The following SNX31 variants were observed in gnomAD, a reference collection of about 807,000 sequenced individuals.
The protein encoded by SNX31 is sorting nexin 31.
In SNX31, 58 loss-of-function variants were observed where a neutral mutation model predicts 65.4. That is an observed-to-expected ratio of 0.89 (90% CI 0.72 to 1.10). The LOEUF is 1.10. Among genes scored for constraint, SNX31 ranks in the 50% least tolerant of loss-of-function variants. The pLI, the probability that SNX31 is intolerant of heterozygous loss-of-function variation, is 0.00. For synonymous variants in SNX31, 181 were observed against 190.1 expected (o/e 0.95, Z 0.39); for missense variants, 523 against 529.7 (o/e 0.99, Z 0.12).
At chr8:100,631,073 C>T (rs1818380442) in intron 3 of SNX31, among the ~76,000 whole-genome samples, 1 of 152,118 alleles carries the variant, frequency 6.6e-6, no homozygotes. Flanking sequence ...CAGGTGTGAG[C>T]CACAGCACCC....
At position 100,612,037 on chromosome 8, in the gene SNX31, A is replaced by G. The variant is rs370378872; in HGVS notation, c.574T>C (p.Ser192Pro). 3.1e-6 allele frequency: 5 copies of G among 1,614,066 alleles called. No individual in the cohort carries two copies. In the African/African-American group the frequency reaches 5.3e-5, roughly 17 times the overall value. Residue 192 changes from serine (S) to proline (P), a missense_variant, in exon 7 of 14, where the codon TCT becomes CCT. By Grantham distance (74) the Ser-to-Pro change is moderately conservative (BLOSUM62 -1). Transcript: ENST00000311812. The surrounding 1 kb of genome is among the most constrained non-coding windows in gnomAD (Gnocchi z 4.3). ...FELPYVSLGS[S>P]EVENCKVGLR... ...CCAACCTTACAGTTTTCCACCTCAG[A>G]ACTTCCAAGACTAACATAAGGGAGT...
rs1258290700 is a variant in SNX31 at position 100,576,577 on chromosome 8, G to A, written c.1227+442C>T. ...CTGGCAATAATGAGTGCTCAAAAAT[G>A]TCATTGATTGTGATTTTTTCTATTA... On this transcript the variant is annotated intron_variant, in intron 13 of 13. Transcript: ENST00000311812. This position sits in a 1 kb window ranked among gnomAD's most constrained non-coding sequence, Gnocchi z 4.8. 1.3e-5 allele frequency among the ~76,000 whole-genome samples: 2 copies of A among 152,140 alleles called. No homozygotes were observed. Among genetic ancestry groups the A allele is most frequent in the Non-Finnish European group, 2.9e-5 (2 of 68,020 alleles).
At chr8:100,602,071 C>T (rs763412954) in intron 8 of SNX31, among the ~76,000 whole-genome samples, 32 of 152,336 alleles carry the variant, frequency 2.1e-4, no homozygotes, top group Non-Finnish European at 3.4e-4. Flanking sequence ...CATTGTCCCT[C>T]AGTTAGGCTG....
rs1040303941 is a variant in SNX31, at chr8:100,604,450, G to C, written c.682-4009C>G. 1.3e-5 allele frequency among the ~76,000 whole-genome samples: 2 copies of C among 152,204 alleles called. No homozygotes were observed. Among genetic ancestry groups the C allele is most frequent in the African/African-American group, 4.8e-5 (2 of 41,454 alleles). On this transcript the variant is annotated intron_variant, in intron 8 of 13. Coordinates refer to ENST00000311812, the MANE Select transcript of SNX31 (RefSeq NM_152628.4). The surrounding 1 kb of genome is among the most constrained non-coding windows in gnomAD (Gnocchi z 4.3). ...GCTCTGGCGAAAGCATGGTGGAGAA[G>C]GGCAAGGGACGTGTGTGCCTGGACA...
intron 3 of SNX31, among the ~76,000 whole-genome samples, chr8:100,634,329 C>G (rs1818602417): frequency 6.6e-6 from 1 of 152,194 alleles, no homozygotes; most frequent in South Asian, 2.1e-4. Flanking sequence ...TAATAAAGAC[C>G]TCTGACATCT....
At position 100,596,742 on chromosome 8, in the gene SNX31, A is replaced by G. The variant is rs989200148; in HGVS notation, c.875T>C (p.Val292Ala). 20 of 1,614,150 alleles carry G rather than the reference A, an allele frequency of 1.2e-5. No homozygotes were observed. Among genetic ancestry groups the G allele is most frequent in the Non-Finnish European group, 1.7e-5 (20 of 1,180,030 alleles). ...GCAGCAGCTGATCTCATTATTGCCA[A>G]CAGAAAGAACAGCTCCAGAGCCTGA... Reference protein sequence around the residue: ...PESGSGAVLSVGNNEISCCIT... With the variant: ...PESGSGAVLSAGNNEISCCIT... Residue 292 changes from valine (V) to alanine (A), a missense_variant, in exon 10 of 14, where the codon GTT becomes GCT. Coordinates refer to ENST00000311812, the MANE Select transcript of SNX31 (RefSeq NM_152628.4).
At chr8:100,640,078 C>T (rs967704046) in intron 2 of SNX31, among the ~76,000 whole-genome samples, 4 of 152,182 alleles carry the variant, frequency 2.6e-5, no homozygotes, top group East Asian at 1.9e-4. Context: ...TAAATAGGAG[C>T]GACTAGACAA....
At chr8:100,590,670 T>C (rs947884418) in intron 10 of SNX31, among the ~76,000 whole-genome samples, 2 of 151,484 alleles carry the variant, frequency 1.3e-5, no homozygotes, top group African/African-American at 4.9e-5. Flanking sequence ...TAATCCCAGC[T>C]ACTCGGGAGG....
At chr8:100,644,605 G>A (rs994741790) in intron 2 of SNX31, among the ~76,000 whole-genome samples, 22 of 152,200 alleles carry the variant, frequency 1.4e-4, no homozygotes, top group African/African-American at 4.8e-4. Context: ...GACAGAGGGC[G>A]CAGGTCACAG....
At chr8:100,581,337 C>CTATATATATA (rs57664831) in intron 12 of SNX31, among the ~76,000 whole-genome samples, 27 of 125,456 alleles carry the variant, frequency 2.2e-4, no homozygotes, top group African/African-American at 8.1e-4. Flanking sequence ...ATCTATCTAT[C>CTATATATATA]TATATATATA....
intron 4 of SNX31, among the ~76,000 whole-genome samples, chr8:100,624,753 T>C (rs534088217): frequency 6.6e-6 from 1 of 152,272 alleles, no homozygotes; most frequent in African/African-American, 2.4e-5. Context: ...AAAGTCAACC[T>C]GGTAGAATTG....
chr8:100,620,864 C>T (rs1468072049), intron 4 of SNX31, among the ~76,000 whole-genome samples: 1 of 152,140 alleles, frequency 6.6e-6, no homozygotes, highest in Non-Finnish European at 1.5e-5. Flanking sequence ...CTTTGGGAGG[C>T]TGAGGTGGGC....
Position 100,596,803 on chromosome 8 carries a change from G to A in SNX31, c.814C>T (p.Leu272=). Reference sequence around the variant, plus strand: ...TCACAGGTACAAGGATCCAGCTGCAGGTATCCATAGTGCCGTACCTCCCGG... The same window carrying A: ...TCACAGGTACAAGGATCCAGCTGCAAGTATCCATAGTGCCGTACCTCCCGG... ...LAREVRHYGY[L]QLDPCTCDYP... is the part of the protein sequence containing the mutation. Residue 272 remains leucine (L), a synonymous_variant, in exon 10 of 14, where the codon CTG becomes TTG. Coordinates refer to ENST00000311812, the MANE Select transcript of SNX31 (RefSeq NM_152628.4). The A allele has an allele frequency of 6.2e-7, 1 of 1,613,772 alleles. No individual in the cohort carries two copies. Among genetic ancestry groups the A allele is most frequent in the East Asian group, 2.2e-5 (1 of 44,886 alleles).
chr8:100,658,170 G>A (rs1693588), intron 1 of SNX31, among the ~76,000 whole-genome samples: 27,743 of 152,086 alleles, frequency 0.18, 3,064 homozygotes, highest in Admixed American at 0.28. Flanking sequence ...AACTACTGGC[G>A]AGTGAGTAAA....
At chr8:100,620,757 T>A (rs1412349382) in intron 4 of SNX31, among the ~76,000 whole-genome samples, 1 of 152,162 alleles carries the variant, frequency 6.6e-6, no homozygotes, top group Non-Finnish European at 1.5e-5. Context: ...CATATACACT[T>A]ACTAATCCCA....
intron 5 of SNX31, among the ~76,000 whole-genome samples, chr8:100,617,244 T>C (rs1478048418): frequency 6.6e-6 from 1 of 152,200 alleles, no homozygotes; most frequent in Non-Finnish European, 1.5e-5. Context: ...CACCTAGGTA[T>C]GACCTGTTTC....
intron 2 of SNX31, among the ~76,000 whole-genome samples, chr8:100,639,847 T>C (rs1282322657): frequency 1.3e-5 from 2 of 151,882 alleles, no homozygotes; most frequent in African/African-American, 2.4e-5. Flanking sequence ...AGGCAGGAAA[T>C]ATATAAGATG....
intron 10 of SNX31, among the ~76,000 whole-genome samples, chr8:100,596,129 T>A (rs1304039008): frequency 6.6e-6 from 1 of 152,112 alleles, no homozygotes; most frequent in Admixed American, 6.5e-5. Flanking sequence ...ACCACTTAGC[T>A]CACTGGGGTC....
rs548901866 is a variant in SNX31, at chr8:100,611,569, T to C, written c.611+431A>G. On this transcript the variant is annotated intron_variant, in intron 7 of 13. Transcript: ENST00000311812. Reference sequence around the variant, plus strand: ...TCTCATTTTCATTGCTTTTCTTTTCTTTTTGAGACAGGGTCTTGCACTGTT... The same window carrying C: ...TCTCATTTTCATTGCTTTTCTTTTCCTTTTGAGACAGGGTCTTGCACTGTT... Among the ~76,000 whole-genome samples the C allele has an allele frequency of 6.2e-4, 94 of 152,296 alleles. 1 individual carries two copies. The South Asian group carries it at 0.014, about 23-fold the overall frequency.
Sources: gnomAD v4.1 joint callset for allele counts (sites outside exome capture counted in the v4.1 genomes callset) on GRCh38, gnomAD v4.1.1 for gene constraint, Gnocchi (gnomAD v3.1) non-coding constraint, MANE v1.5 for transcripts, NCBI Gene and HGNC (gene_info 2026-07-23, HGNC 2026-07-21) for gene names.